The following HAT1 variants were observed in gnomAD, a reference collection of about 807,000 sequenced individuals.
The protein encoded by HAT1 is histone acetyltransferase type B catalytic subunit.
In HAT1, 20 loss-of-function variants were observed where a neutral mutation model predicts 56.6. That is an observed-to-expected ratio of 0.35 (90% CI 0.25 to 0.51). The LOEUF (loss-of-function observed/expected upper bound fraction) is 0.51. Among genes scored for constraint, HAT1 ranks in the 20% least tolerant of loss-of-function variants. HAT1 has a pLI of 0.95. For missense variants in HAT1, 408 were observed against 504.3 expected, an observed-to-expected ratio of 0.81 and a Z score of 1.83; for synonymous variants, 146 against 165.5, an observed-to-expected ratio of 0.88 and a Z score of 0.91.
At chr2:171,941,200 GTGTTTTTTTTGTTGTTGTTT>G (rs374972344) in intron 2 of HAT1, among the ~76,000 whole-genome samples, 9 of 152,124 alleles carry the variant, frequency 5.9e-5, no homozygotes, top group African/African-American at 1.9e-4. Context: ...GATAGGGTTG[GTGTTTTTTTTGTTGTTGTTT>G]TGTTTTTTTT....
At chr2:171,950,879 G>C (rs562870909) in intron 3 of HAT1, among the ~76,000 whole-genome samples, 1 of 151,882 alleles carries the variant, frequency 6.6e-6, no homozygotes. Flanking sequence ...GTGCGATCTC[G>C]GCTCACTGCA....
chr2:171,963,022 A>G (rs1687608945), intron 4 of HAT1, among the ~76,000 whole-genome samples: 1 of 151,780 alleles, frequency 6.6e-6, no homozygotes, highest in South Asian at 2.1e-4. Flanking sequence ...TATTTGAGAA[A>G]AGAGTACAGA....
intron 8 of HAT1, among the ~76,000 whole-genome samples, chr2:171,972,420 C>T (rs1382665417): frequency 2.6e-5 from 4 of 152,088 alleles, no homozygotes; most frequent in Admixed American, 6.5e-5. Context: ...TGCCACCATA[C>T]TTGGCTAATT....
At chr2:171,951,986 A>C (rs1435427850) in intron 3 of HAT1, among the ~76,000 whole-genome samples, 2 of 152,178 alleles carry the variant, frequency 1.3e-5, no homozygotes, top group African/African-American at 4.8e-5. Context: ...AGAAATTTGG[A>C]AATGACACTG....
chr2:171,951,234 A>G (rs1687299663), intron 3 of HAT1, among the ~76,000 whole-genome samples: 2 of 152,236 alleles, frequency 1.3e-5, no homozygotes, highest in African/African-American at 4.8e-5. Context: ...GTATCTTATT[A>G]TACATAGATT....
intron 2 of HAT1, among the ~76,000 whole-genome samples, chr2:171,930,129 A>G (rs576505721): frequency 2.0e-5 from 3 of 152,268 alleles, no homozygotes; most frequent in Admixed American, 6.5e-5. Flanking sequence ...GTAAATCTAC[A>G]TCTTTTGATT....
chr2:171,983,207 A>G lies in HAT1; in HGVS notation c.1115A>G (p.Lys372Arg), dbSNP rs763767173. ...PYKKKQRDLA[K>R]MRKCLRPEEL... ...TAGAAAAAGCAGAGAGATCTTGCTA[A>G]GATGAGAAAATGTCTCAGACCAGAA... Residue 372 changes from lysine to arginine, a missense_variant, in exon 11 of 11, where the codon AAG (lysine) becomes AGG (arginine). Coordinates refer to ENST00000264108, the MANE Select transcript of HAT1 (RefSeq NM_003642.4). 6.3e-7 allele frequency: 1 copy of G among 1,582,758 alleles called. No individual in the cohort carries two copies. Among genetic ancestry groups the G allele is most frequent in the Non-Finnish European group, 8.6e-7 (1 of 1,165,332 alleles).
At chr2:171,981,334 G>A (rs1688129750) in intron 10 of HAT1, among the ~76,000 whole-genome samples, 1 of 151,984 alleles carries the variant, frequency 6.6e-6, no homozygotes, top group African/African-American at 2.4e-5. Context: ...ACAATAGCTG[G>A]GAACATAAGT....
chr2:171,925,577 T>G lies in HAT1; in HGVS notation c.48T>G (p.Ser16Arg). ...AMEKFLVEYK[S>R]AVEKKLAEYK... ...AGAAATTTTTGGTAGAATATAAGAGTGCAGTGGAGAAGAAACTGGCAGAGT... is the reference window on the plus strand; with the variant it reads ...AGAAATTTTTGGTAGAATATAAGAGGGCAGTGGAGAAGAAACTGGCAGAGT... Residue 16 changes from serine (S) to arginine (R), a missense_variant, in exon 2 of 11, where the codon AGT (serine) becomes AGG (arginine). Transcript: ENST00000264108. 6.3e-7 allele frequency: 1 copy of G among 1,583,322 alleles called. No individual in the cohort carries two copies. Among genetic ancestry groups the G allele is most frequent in the Non-Finnish European group, 8.7e-7 (1 of 1,152,076 alleles).
At chr2:171,956,321 CGCACACACGCACGCAT>C (rs895890833) in intron 4 of HAT1, among the ~76,000 whole-genome samples, 1 of 151,920 alleles carries the variant, frequency 6.6e-6, no homozygotes, top group Non-Finnish European at 1.5e-5. Context: ...CATCTCTACA[CGCACACACGCACGCAT>C]GCACACACAC....
chr2:171,967,290 T>C (rs1431560565), intron 8 of HAT1, among the ~76,000 whole-genome samples: 1 of 152,196 alleles, frequency 6.6e-6, no homozygotes, highest in African/African-American at 2.4e-5. Flanking sequence ...GCCTGCACTT[T>C]AATTTACATG....
At chr2:171,928,887 T>C (rs1686666554) in intron 2 of HAT1, among the ~76,000 whole-genome samples, 1 of 152,226 alleles carries the variant, frequency 6.6e-6, no homozygotes, top group South Asian at 2.1e-4. Context: ...TTTGAGTTGT[T>C]TCTAGTTTTT....
chr2:171,943,802 A>G lies in HAT1; in HGVS notation c.113-2906A>G, dbSNP rs112558854. Among the ~76,000 whole-genome samples the G allele has an allele frequency of 1.7e-3, 260 of 151,120 alleles. 6 individuals carry two copies. Among genetic ancestry groups the G allele is most frequent in the Non-Finnish European group, 2.1e-3 (145 of 67,854 alleles). ...AAGAAAATTAATGGTAATTTTTTCA[A>G]TACTGCGTAATTTCTGGTTTCCCTA... is the stretch of plus-strand genomic sequence containing the variant. On this transcript the variant is annotated intron_variant, in intron 2 of 10. Transcript: ENST00000264108.
chr2:171,933,897 G>A (rs952587586), intron 2 of HAT1, among the ~76,000 whole-genome samples: 13 of 152,186 alleles, frequency 8.5e-5, no homozygotes, highest in Non-Finnish European at 1.8e-4. Context: ...TTCTATAAGT[G>A]TAAATTGACT....
At chr2:171,926,642 C>G (rs185410161) in intron 2 of HAT1, among the ~76,000 whole-genome samples, 1 of 152,192 alleles carries the variant, frequency 6.6e-6, no homozygotes, top group African/African-American at 2.4e-5. Context: ...TGTGTCCAGG[C>G]TCATCTTGAA....
rs961764082 is a variant in HAT1, at chr2:171,951,413, A to G, written c.189-1468A>G. ...CTTAGTAGATAAGATCTAGTTTTAC[A>G]GATAGTGCTTCTTTTTAATTTTTTG... On this transcript the variant is annotated intron_variant, in intron 3 of 10. Transcript: ENST00000264108. Among the ~76,000 whole-genome samples the G allele has an allele frequency of 7.7e-4, 117 of 152,024 alleles. 1 individual carries two copies. Among genetic ancestry groups the G allele is most frequent in the African/African-American group, 2.7e-3 (111 of 41,494 alleles).
chr2:171,949,902 G>T (rs552710637), intron 3 of HAT1, among the ~76,000 whole-genome samples: 1 of 152,126 alleles, frequency 6.6e-6, no homozygotes, highest in East Asian at 1.9e-4. Context: ...CACCCTTTCA[G>T]ACACTTTTGA....
intron 8 of HAT1, among the ~76,000 whole-genome samples, chr2:171,968,878 T>A (rs560634059): frequency 1.3e-5 from 2 of 152,304 alleles, no homozygotes; most frequent in South Asian, 4.1e-4. Context: ...CCATTTGCAA[T>A]CCAGAATATT....
intron 2 of HAT1, among the ~76,000 whole-genome samples, chr2:171,929,053 A>G (rs998128441): frequency 2.0e-5 from 3 of 152,166 alleles, no homozygotes; most frequent in African/African-American, 7.2e-5. Flanking sequence ...TCACATCAAC[A>G]GTGTATTAGA....
Sources: gnomAD v4.1 joint callset for allele counts (sites outside exome capture counted in the v4.1 genomes callset) on GRCh38, gnomAD v4.1.1 for gene constraint, MANE v1.5 for transcripts, NCBI Gene and HGNC (gene_info 2026-07-23, HGNC 2026-07-21) for gene names.